TMCC1: variants seen among roughly 807,000 people sequenced by gnomAD.
TMCC1 encodes transmembrane and coiled-coil domains protein 1.
Under a neutral mutation model 52.4 loss-of-function variants are expected in TMCC1, and 15 were observed. That is an observed-to-expected ratio of 0.29 (90% confidence interval 0.19 to 0.44). The LOEUF is 0.44. Ranked by LOEUF, TMCC1 falls within the 20% of genes least tolerant of loss-of-function variation. The pLI is 1.00. For synonymous variants in TMCC1, 279 were observed against 301.9 expected (o/e 0.92, Z 0.79); for missense variants, 503 against 806.0 (o/e 0.62, Z 4.55).
chr3:129,830,552 T>C (rs2058860980), intron 3 of TMCC1, among the ~76,000 whole-genome samples: 1 of 152,196 alleles, frequency 6.6e-6, no homozygotes, highest in Admixed American at 6.5e-5. Context: ...ATTTAGATCC[T>C]GAGAAGATGG....
intron 4 of TMCC1, among the ~76,000 whole-genome samples, chr3:129,787,400 G>A (rs1409257501): frequency 1.1e-4 from 17 of 152,158 alleles, no homozygotes; most frequent in Admixed American, 1.1e-3. Flanking sequence ...GGAACAGACT[G>A]AAATTTAAGA....
chr3:129,802,175 T>C (rs2057234929), intron 4 of TMCC1, among the ~76,000 whole-genome samples: 1 of 152,238 alleles, frequency 6.6e-6, no homozygotes, highest in South Asian at 2.1e-4. Context: ...CAACATAAGA[T>C]TGCATAAACT....
At chr3:129,886,734 G>C (rs997114765) in intron 1 of TMCC1, among the ~76,000 whole-genome samples, 7 of 151,430 alleles carry the variant, frequency 4.6e-5, no homozygotes, top group South Asian at 2.1e-4. Context: ...GAGGTCAGGA[G>C]TTCAAGACCA....
At chr3:129,695,792 A>G (rs1294550329) in intron 4 of TMCC1, among the ~76,000 whole-genome samples, 1 of 152,108 alleles carries the variant, frequency 6.6e-6, no homozygotes, top group Non-Finnish European at 1.5e-5. Context: ...AAAACCAATC[A>G]TGCCTTTGAG....
At position 129,665,800 on chromosome 3, in the gene TMCC1, A is replaced by G. The variant is rs185018328; in HGVS notation, c.1511+4530T>C. ...TGAGTGACCTCTGGCAACTTTTAAA[A>G]CCCCACTGAGCTTCAATTTCCTCAT... On this transcript the variant is annotated intron_variant, in intron 5 of 6. Coordinates refer to ENST00000393238, the MANE Select transcript of TMCC1 (RefSeq NM_001017395.5). Among the ~76,000 whole-genome samples, 3 of 152,198 alleles carry G rather than the reference A, an allele frequency of 2.0e-5. No homozygotes were observed. The East Asian group carries it at 5.8e-4, about 29-fold the overall frequency.
intron 2 of TMCC1, among the ~76,000 whole-genome samples, chr3:129,877,924 C>A (rs1417437843): frequency 6.6e-6 from 1 of 151,426 alleles, no homozygotes; most frequent in African/African-American, 2.4e-5. Flanking sequence ...GCGTGAGCCA[C>A]CGTGACCAGC....
At chr3:129,718,269 T>A (rs1242552770) in intron 4 of TMCC1, among the ~76,000 whole-genome samples, 1 of 152,220 alleles carries the variant, frequency 6.6e-6, no homozygotes, top group South Asian at 2.1e-4. Flanking sequence ...CGTAACTGCA[T>A]AAACTGCATA....
At chr3:129,782,916 C>T (rs937884061) in intron 4 of TMCC1, among the ~76,000 whole-genome samples, 2 of 152,144 alleles carry the variant, frequency 1.3e-5, no homozygotes, top group African/African-American at 4.8e-5. Context: ...ATTGTTTAAA[C>T]ACTCAGCGAA....
chr3:129,678,182 A>T (rs907425830), intron 4 of TMCC1, among the ~76,000 whole-genome samples: 2 of 151,238 alleles, frequency 1.3e-5, no homozygotes, highest in Non-Finnish European at 2.9e-5. Flanking sequence ...GGACTCCCAA[A>T]GTGCTGGGAT....
At chr3:129,690,892 C>A (rs1255104192) in intron 4 of TMCC1, among the ~76,000 whole-genome samples, 1 of 152,220 alleles carries the variant, frequency 6.6e-6, no homozygotes, top group Non-Finnish European at 1.5e-5. Flanking sequence ...ATGAATTTAT[C>A]TGACAGAACC....
intron 5 of TMCC1, among the ~76,000 whole-genome samples, chr3:129,668,755 A>G (rs2087673613): frequency 6.6e-6 from 1 of 152,176 alleles, no homozygotes; most frequent in South Asian, 2.1e-4. Flanking sequence ...ACTCCTGAGT[A>G]GCTGGGATTA....
intron 4 of TMCC1, among the ~76,000 whole-genome samples, chr3:129,778,676 G>GC (rs375982898): frequency 9.9e-5 from 15 of 150,838 alleles, no homozygotes; most frequent in African/African-American, 3.2e-4. Context: ...GATCATGGTG[G>GC]GGGGGGGGCA....
At chr3:129,839,145 A>T (rs917173754) in intron 2 of TMCC1, among the ~76,000 whole-genome samples, 3 of 152,222 alleles carry the variant, frequency 2.0e-5, no homozygotes, top group Non-Finnish European at 2.9e-5. Context: ...AGAATAAATG[A>T]AGGTAAAGTA....
At chr3:129,885,807 A>C (rs1230430653) in intron 1 of TMCC1, among the ~76,000 whole-genome samples, 2 of 149,774 alleles carry the variant, frequency 1.3e-5, no homozygotes, top group East Asian at 3.9e-4. Context: ...CAGTGGCGCA[A>C]TCTCGGCTCA....
At chr3:129,800,138 A>C (rs1027252987) in intron 4 of TMCC1, among the ~76,000 whole-genome samples, 5 of 152,156 alleles carry the variant, frequency 3.3e-5, no homozygotes, top group East Asian at 1.9e-4. Flanking sequence ...TTTGCTCATC[A>C]TATCTTTGCA....
chr3:129,757,157 C>G (rs760575881), intron 4 of TMCC1, among the ~76,000 whole-genome samples: 7 of 152,100 alleles, frequency 4.6e-5, no homozygotes, highest in Non-Finnish European at 8.8e-5. Flanking sequence ...ATAAGTTTCC[C>G]CTTTCACTCC....
At chr3:129,847,038 GAA>G (rs1425808914) in intron 2 of TMCC1, 1 of 151,918 alleles carries the variant, frequency 6.6e-6, no homozygotes, top group East Asian at 1.9e-4. Flanking sequence ...TTTGAAAAAA[GAA>G]TGCTGTCTCC....
At chr3:129,730,951 TA>T (rs2050493022) in intron 4 of TMCC1, among the ~76,000 whole-genome samples, 1 of 152,232 alleles carries the variant, frequency 6.6e-6, no homozygotes. Flanking sequence ...TCATTACAAA[TA>T]AATCAATTCT....
intron 4 of TMCC1, among the ~76,000 whole-genome samples, chr3:129,693,174 G>A (rs1192516030): frequency 2.0e-5 from 3 of 152,126 alleles, no homozygotes. Flanking sequence ...GCTTTGATGG[G>A]TTTGCGTCTT....
Sources: gnomAD v4.1 joint callset for allele counts (sites outside exome capture counted in the v4.1 genomes callset) on GRCh38, gnomAD v4.1.1 for gene constraint, MANE v1.5 for transcripts, NCBI Gene and HGNC (gene_info 2026-07-23, HGNC 2026-07-21) for gene names.